The following ATXN1 variants were observed in gnomAD, a reference collection of about 807,000 sequenced individuals.
ATXN1 encodes ataxin-1.
Under a neutral mutation model 56.4 loss-of-function variants are expected in ATXN1, and 8 were observed. That is an observed-to-expected ratio of 0.14 (90% CI 0.08 to 0.26). The LOEUF (loss-of-function observed/expected upper bound fraction) is 0.26. Among genes scored for constraint, ATXN1 ranks in the 10% least tolerant of loss-of-function variants. The probability of loss-of-function intolerance (pLI) is 1.00; values close to 1 mark genes in which losing one functional copy is unlikely to be tolerated. For synonymous variants in ATXN1, 514 were observed against 494.6 expected (o/e 1.04, Z -0.52); for missense variants, 987 against 1,106.5 (o/e 0.89, Z 1.53).
At chr6:16,455,276 A>C (rs1005685626) in intron 6 of ATXN1, among the ~76,000 whole-genome samples, 1 of 152,230 alleles carries the variant, frequency 6.6e-6, no homozygotes, top group African/African-American at 2.4e-5. Flanking sequence ...CTGACCAGAC[A>C]CCTTACCAAA....
At chr6:16,363,443 A>G (rs1179612429) in intron 6 of ATXN1, among the ~76,000 whole-genome samples, 2 of 152,218 alleles carry the variant, frequency 1.3e-5, no homozygotes, top group Admixed American at 6.5e-5. Flanking sequence ...ACAAAACAAA[A>G]TTGATCATTG....
At chr6:16,747,325 T>G (rs1214947231) in intron 2 of ATXN1, among the ~76,000 whole-genome samples, 1 of 152,104 alleles carries the variant, frequency 6.6e-6, no homozygotes, top group Non-Finnish European at 1.5e-5. Flanking sequence ...AGGCCTACAG[T>G]GGAGTTTCTG....
intron 6 of ATXN1, among the ~76,000 whole-genome samples, chr6:16,469,157 ATGAG>A (rs927878381): frequency 1.3e-5 from 2 of 152,246 alleles, no homozygotes; most frequent in African/African-American, 2.4e-5. Flanking sequence ...GCATGAAAGA[ATGAG>A]TGAGTAGCTT....
intron 2 of ATXN1, among the ~76,000 whole-genome samples, chr6:16,715,341 T>A (rs527492656): frequency 6.6e-6 from 1 of 152,348 alleles, no homozygotes; most frequent in South Asian, 2.1e-4. Flanking sequence ...GTATGTTAAA[T>A]AACTTGCTCA....
intron 4 of ATXN1, among the ~76,000 whole-genome samples, chr6:16,578,099 C>G (rs772400570): frequency 1.3e-5 from 2 of 152,262 alleles, no homozygotes; most frequent in African/African-American, 4.8e-5. Context: ...ATAGTAGACT[C>G]TATAAATTCT....
chr6:16,432,626 G>A (rs1381475369), intron 6 of ATXN1: 4 of 152,078 alleles, frequency 2.6e-5, no homozygotes, highest in African/African-American at 9.7e-5. Context: ...AAGATGCGGA[G>A]GCCTCATGCA....
In ATXN1 at chr6:16,670,970, C is replaced by T. The variant is rs12664454; in HGVS notation, c.-614-13069G>A. The stretch of plus-strand genomic sequence containing the variant: ...TATAATCTAGATTACAAACCATCCT[C>T]ATTACAGTCCATTTACTCTAGCTAA... On this transcript the variant is annotated intron_variant, in intron 2 of 7. Coordinates refer to ENST00000436367, the MANE Select transcript of ATXN1 (RefSeq NM_001128164.2). Among the ~76,000 whole-genome samples the T allele has an allele frequency of 4.1e-3, 624 of 152,346 alleles. 28 individuals are homozygous for T. In the East Asian group the frequency reaches 0.1, roughly 24 times the overall value.
intron 6 of ATXN1, among the ~76,000 whole-genome samples, chr6:16,393,237 A>G (rs1045828894): frequency 2.6e-5 from 4 of 151,938 alleles, no homozygotes; most frequent in Admixed American, 6.6e-5. Context: ...TAAATTTTTA[A>G]TTTATTTTTA....
chr6:16,529,642 A>G (rs902514166), intron 4 of ATXN1, among the ~76,000 whole-genome samples: 1 of 152,074 alleles, frequency 6.6e-6, no homozygotes, highest in African/African-American at 2.4e-5. Flanking sequence ...ATTTTATCCA[A>G]CTTTTTTCAT....
At chr6:16,513,572 TACTC>T (rs1006326829) in intron 5 of ATXN1, among the ~76,000 whole-genome samples, 6 of 152,284 alleles carry the variant, frequency 3.9e-5, no homozygotes, top group Non-Finnish European at 5.9e-5. Context: ...CAAGGAATCT[TACTC>T]ACAAATCAAT....
At chr6:16,567,690 A>G (rs534314703) in intron 4 of ATXN1, among the ~76,000 whole-genome samples, 1 of 151,990 alleles carries the variant, frequency 6.6e-6, no homozygotes, top group African/African-American at 2.4e-5. Flanking sequence ...GTTCCCTGAG[A>G]AGGCATATCT....
intron 4 of ATXN1, among the ~76,000 whole-genome samples, chr6:16,574,287 C>A (rs236924): frequency 0.027 from 4,140 of 152,354 alleles, 163 homozygotes; most frequent in African/African-American, 0.093. Flanking sequence ...CTCACTGCAA[C>A]CTCTGCCTCC....
intron 6 of ATXN1, among the ~76,000 whole-genome samples, chr6:16,429,425 G>GT (rs3072201): frequency 0.26 from 27,253 of 105,852 alleles, 4,329 homozygotes; most frequent in Non-Finnish European, 0.31. Flanking sequence ...TTTTTTGTTC[G>GT]TTTTTTTTTT....
chr6:16,742,302 C>T (rs1378074164), intron 2 of ATXN1, among the ~76,000 whole-genome samples: 1 of 152,154 alleles, frequency 6.6e-6, no homozygotes, highest in Non-Finnish European at 1.5e-5. Flanking sequence ...CCAATAAAAG[C>T]CACAACTTGG....
At chr6:16,616,723 C>G (rs1763220659) in intron 3 of ATXN1, among the ~76,000 whole-genome samples, 1 of 143,750 alleles carries the variant, frequency 7.0e-6, no homozygotes, top group African/African-American at 2.6e-5. Context: ...ATACATATAC[C>G]CCTCCACACA....
At chr6:16,448,347 C>T (rs973567963) in intron 6 of ATXN1, among the ~76,000 whole-genome samples, 2 of 152,176 alleles carry the variant, frequency 1.3e-5, no homozygotes, top group African/African-American at 4.8e-5. Context: ...CCCCCTCTTC[C>T]CTCGCCCCTC....
At chr6:16,509,880 T>C (rs563969423) in intron 5 of ATXN1, among the ~76,000 whole-genome samples, 1 of 152,320 alleles carries the variant, frequency 6.6e-6, no homozygotes, top group East Asian at 1.9e-4. Flanking sequence ...ATCACAGGCA[T>C]ACGGGTGGCC....
At chr6:16,576,229 A>C (rs1398395008) in intron 4 of ATXN1, among the ~76,000 whole-genome samples, 1 of 151,454 alleles carries the variant, frequency 6.6e-6, no homozygotes, top group Non-Finnish European at 1.5e-5. Flanking sequence ...GGACTCCCTA[A>C]GTCTCTTTAC....
At chr6:16,531,102 C>T (rs187829797) in intron 4 of ATXN1, among the ~76,000 whole-genome samples, 23 of 152,324 alleles carry the variant, frequency 1.5e-4, no homozygotes, top group African/African-American at 5.5e-4. Flanking sequence ...TTGGCAATCA[C>T]TGCCTTAGCA....
Sources: gnomAD v4.1 joint callset for allele counts (sites outside exome capture counted in the v4.1 genomes callset) on GRCh38, gnomAD v4.1.1 for gene constraint, MANE v1.5 for transcripts, NCBI Gene and HGNC (gene_info 2026-07-23, HGNC 2026-07-21) for gene names.